Variants in PLCB1 observed in about 807,000 individuals in gnomAD.
The protein encoded by PLCB1 is 1-phosphatidylinositol 4,5-bisphosphate phosphodiesterase beta-1.
Under a neutral mutation model 161.8 loss-of-function variants are expected in PLCB1, and 46 were observed. The observed-to-expected ratio is 0.28, with a 90% CI of 0.22 to 0.36. PLCB1 has a LOEUF of 0.36. PLCB1 is among the 10% of genes least tolerant of loss of function. The pLI is 1.00. For synonymous variants in PLCB1, 517 were observed against 503.7 expected (o/e 1.03, Z -0.35); for missense variants, 1,016 against 1,472.5 (o/e 0.69, Z 5.07).
intron 2 of PLCB1, among the ~76,000 whole-genome samples, chr20:8,347,043 A>G (rs1286455294): frequency 6.6e-6 from 1 of 152,200 alleles, no homozygotes; most frequent in Non-Finnish European, 1.5e-5. Context: ...CTAAATATAG[A>G]AACTATGGAA....
chr20:8,745,853 A>G (rs1465217666), intron 23 of PLCB1, among the ~76,000 whole-genome samples: 1 of 152,150 alleles, frequency 6.6e-6, no homozygotes, highest in East Asian at 1.9e-4. Flanking sequence ...AAAGAAATAA[A>G]ATTTTAAAAC....
intron 3 of PLCB1, among the ~76,000 whole-genome samples, chr20:8,457,163 G>A (rs141634461): frequency 8.5e-5 from 13 of 152,256 alleles, no homozygotes; most frequent in African/African-American, 3.1e-4. Context: ...TTTTGTAAGT[G>A]TAAGAGACTC....
intron 31 of PLCB1, among the ~76,000 whole-genome samples, chr20:8,864,178 G>A (rs1005388588): frequency 4.6e-5 from 7 of 152,174 alleles, no homozygotes; most frequent in African/African-American, 1.4e-4. Flanking sequence ...AAATGATGTG[G>A]TAGGCCTTTG....
intron 2 of PLCB1, among the ~76,000 whole-genome samples, chr20:8,271,988 T>A (rs1348124586): frequency 6.6e-6 from 1 of 152,172 alleles, no homozygotes; most frequent in Non-Finnish European, 1.5e-5. Context: ...GTTTGATATG[T>A]ACGTTTGTGT....
intron 3 of PLCB1, among the ~76,000 whole-genome samples, chr20:8,587,743 A>G (rs561723641): frequency 2.7e-4 from 41 of 152,170 alleles, no homozygotes; most frequent in Non-Finnish European, 5.7e-4. Flanking sequence ...TCATCCTGGA[A>G]TTTGTGTATA....
At chr20:8,509,240 C>G (rs1983771134) in intron 3 of PLCB1, among the ~76,000 whole-genome samples, 1 of 151,850 alleles carries the variant, frequency 6.6e-6, no homozygotes, top group African/African-American at 2.4e-5. Context: ...TGACCCCCCA[C>G]AAGTTCCTTG....
chr20:8,181,805 A>G (rs946148224), intron 2 of PLCB1, among the ~76,000 whole-genome samples: 2 of 129,148 alleles, frequency 1.5e-5, no homozygotes, highest in African/African-American at 3.5e-5. Context: ...GATGTCTACA[A>G]AAATAAAAAT....
chr20:8,799,510 ATC>A (rs1009447569), intron 31 of PLCB1, among the ~76,000 whole-genome samples: 1 of 152,144 alleles, frequency 6.6e-6, no homozygotes, highest in African/African-American at 2.4e-5. Context: ...TCCTCAATGT[ATC>A]TCTGTTTTTT....
At chr20:8,273,179 A>G (rs1982369238) in intron 2 of PLCB1, among the ~76,000 whole-genome samples, 1 of 152,200 alleles carries the variant, frequency 6.6e-6, no homozygotes, top group Non-Finnish European at 1.5e-5. Flanking sequence ...TTAAAGCTGG[A>G]TGAACTAAAT....
At chr20:8,633,257 G>T (rs1485304622) in intron 4 of PLCB1, among the ~76,000 whole-genome samples, 2 of 152,062 alleles carry the variant, frequency 1.3e-5, no homozygotes, top group East Asian at 1.9e-4. Flanking sequence ...AAGAGGAAAA[G>T]ATAGAAATAT....
At chr20:8,325,633 AAGGGTC>A in intron 2 of PLCB1, among the ~76,000 whole-genome samples, 1 of 152,178 alleles carries the variant, frequency 6.6e-6, no homozygotes, top group East Asian at 1.9e-4. Flanking sequence ...TTTTAAAGAC[AAGGGTC>A]AGGAAGGTTA....
chr20:8,381,832 C>T (rs1441892681), intron 3 of PLCB1, among the ~76,000 whole-genome samples: 2 of 152,082 alleles, frequency 1.3e-5, no homozygotes, highest in African/African-American at 4.8e-5. Flanking sequence ...ATTCTTCTCT[C>T]TTTTCTTCTT....
At chr20:8,711,218 G>T (rs941492322) in intron 12 of PLCB1, among the ~76,000 whole-genome samples, 12 of 152,124 alleles carry the variant, frequency 7.9e-5, no homozygotes, top group African/African-American at 2.9e-4. Flanking sequence ...CATCTCCTAC[G>T]CCTAAACAGA....
Position 8,220,268 on chromosome 20 carries a change from G to A in PLCB1, c.177+69897G>A, listed in dbSNP as rs117529525. Among the ~76,000 whole-genome samples the A allele has an allele frequency of 2.5e-3, 373 of 152,188 alleles. 1 individual carries two copies. The highest frequency in any genetic ancestry group is 4.6e-3 in the Non-Finnish European group (311 of 68,010). Reference sequence around the variant, plus strand: ...GATAAAAACATTTGAAATCCACAAAGTGCTAATCAAATACAGGTGTACTAA... The same window carrying A: ...GATAAAAACATTTGAAATCCACAAAATGCTAATCAAATACAGGTGTACTAA... On this transcript the variant is annotated intron_variant, in intron 2 of 31. Coordinates refer to ENST00000338037, the MANE Select transcript of PLCB1 (RefSeq NM_015192.4).
intron 9 of PLCB1, among the ~76,000 whole-genome samples, chr20:8,671,298 C>G (rs1021764425): frequency 1.3e-5 from 2 of 152,164 alleles, no homozygotes; most frequent in African/African-American, 4.8e-5. Flanking sequence ...TTAAAGCTAA[C>G]CTGCATATTT....
rs143399076 is a variant in PLCB1 at position 8,356,521 on chromosome 20, C to T, written c.178-14861C>T. ...GGTAAGGAGGAAGGTATCAAATCTA[C>T]GCGGTTTCTCTGAGGTTGGACTACT... On this transcript the variant is annotated intron_variant, in intron 2 of 31. Transcript: ENST00000338037. 1.1e-4 allele frequency among the ~76,000 whole-genome samples: 17 copies of T among 152,078 alleles called. No individual in the cohort carries two copies. In the East Asian group the frequency reaches 2.5e-3, roughly 22 times the overall value.
chr20:8,531,435 G>C (rs576351588), intron 3 of PLCB1, among the ~76,000 whole-genome samples: 100 of 152,102 alleles, frequency 6.6e-4, no homozygotes, highest in South Asian at 6.0e-3. Flanking sequence ...ATTACAATTG[G>C]AATGTGATAG....
intron 11 of PLCB1, among the ~76,000 whole-genome samples, chr20:8,708,114 C>T (rs894636168): frequency 6.6e-6 from 1 of 151,940 alleles, no homozygotes; most frequent in African/African-American, 2.4e-5. Flanking sequence ...GGATGGTGCT[C>T]GCATGACTCT....
intron 2 of PLCB1, among the ~76,000 whole-genome samples, chr20:8,258,159 C>T (rs6055698): frequency 0.016 from 2,435 of 152,084 alleles, 73 homozygotes; most frequent in African/African-American, 0.055. Flanking sequence ...ATAAAGAGTA[C>T]GTGAAGCCTA....
Sources: gnomAD v4.1 joint callset for allele counts (sites outside exome capture counted in the v4.1 genomes callset) on GRCh38, gnomAD v4.1.1 for gene constraint, MANE v1.5 for transcripts, NCBI Gene and HGNC (gene_info 2026-07-23, HGNC 2026-07-21) for gene names.